The following GHR variants were observed in gnomAD, a reference collection of about 807,000 sequenced individuals.
GHR encodes the protein growth hormone receptor.
Under a neutral mutation model 67.1 loss-of-function variants are expected in GHR, and 35 were observed. The observed-to-expected ratio is 0.52, with a 90% CI of 0.40 to 0.69. The LOEUF is 0.69. Ranked by LOEUF, GHR falls within the 30% of genes least tolerant of loss-of-function variation. The pLI is 0.00. For missense variants in GHR, 792 were observed against 764.6 expected (o/e 1.04, Z -0.42); for synonymous variants, 272 against 269.1 (o/e 1.01, Z -0.10).
intron 1 of GHR, among the ~76,000 whole-genome samples, chr5:42,463,786 G>A (rs1279584873): frequency 2.6e-5 from 4 of 151,642 alleles, no homozygotes; most frequent in African/African-American, 7.3e-5. Flanking sequence ...GAGGTCAGGA[G>A]ATCGAGACCA....
At chr5:42,589,463 G>A (rs985228846) in intron 2 of GHR, among the ~76,000 whole-genome samples, 3 of 152,158 alleles carry the variant, frequency 2.0e-5, no homozygotes, top group African/African-American at 7.2e-5. Flanking sequence ...TTTCTTCTCT[G>A]AGTGGAATAA....
chr5:42,480,999 T>G (rs1043989085), intron 1 of GHR, among the ~76,000 whole-genome samples: 1 of 152,186 alleles, frequency 6.6e-6, no homozygotes, highest in African/African-American at 2.4e-5. Context: ...TCTTTACAAT[T>G]TGGCATGTTT....
intron 1 of GHR, among the ~76,000 whole-genome samples, chr5:42,527,111 T>C (rs113091806): frequency 6.6e-6 from 1 of 152,212 alleles, no homozygotes; most frequent in African/African-American, 2.4e-5. Context: ...ACAGCTACCA[T>C]CTAATACTAA....
chr5:42,676,542 G>C (rs374037134), intron 3 of GHR, among the ~76,000 whole-genome samples: 1 of 151,918 alleles, frequency 6.6e-6, no homozygotes, highest in Non-Finnish European at 1.5e-5. Flanking sequence ...ACTATTTTTG[G>C]AATGGAGTGT....
intron 1 of GHR, among the ~76,000 whole-genome samples, chr5:42,536,981 T>C (rs888194843): frequency 6.6e-6 from 1 of 152,156 alleles, no homozygotes; most frequent in Non-Finnish European, 1.5e-5. Flanking sequence ...AATGATCTTT[T>C]ATATTTCAGT....
At chr5:42,681,935 CAAAAAAAAA>C (rs11443605) in intron 3 of GHR, among the ~76,000 whole-genome samples, 1 of 79,536 alleles carries the variant, frequency 1.3e-5, no homozygotes, top group Non-Finnish European at 2.2e-5. Context: ...GACTCCGTCT[CAAAAAAAAA>C]AAAAAAAAAA....
chr5:42,544,557 A>G (rs997790187), intron 1 of GHR, among the ~76,000 whole-genome samples: 1 of 152,140 alleles, frequency 6.6e-6, no homozygotes, highest in Non-Finnish European at 1.5e-5. Flanking sequence ...ATAACAAACC[A>G]AATTTCCCCC....
At chr5:42,538,480 T>C (rs547915627) in intron 1 of GHR, among the ~76,000 whole-genome samples, 69 of 152,306 alleles carry the variant, frequency 4.5e-4, no homozygotes, top group African/African-American at 1.4e-3. Context: ...AATTGTTTTG[T>C]TTGAGGAGGC....
intron 3 of GHR, among the ~76,000 whole-genome samples, chr5:42,649,270 G>A (rs189787481): frequency 2.6e-5 from 4 of 152,282 alleles, no homozygotes; most frequent in Admixed American, 2.6e-4. Flanking sequence ...AAAATATGCA[G>A]TGTAGTGAGT....
At chr5:42,628,751 G>A (rs1753822904) in intron 2 of GHR, among the ~76,000 whole-genome samples, 1 of 131,774 alleles carries the variant, frequency 7.6e-6, no homozygotes, top group Admixed American at 7.3e-5. Flanking sequence ...ATGGCCTAAG[G>A]TCTTGTTTAT....
chr5:42,709,979 C>A (rs1432257671), intron 6 of GHR, among the ~76,000 whole-genome samples: 1 of 151,636 alleles, frequency 6.6e-6, no homozygotes, highest in Non-Finnish European at 1.5e-5. Context: ...TTAGTGAAAT[C>A]TTTAAAGAAA....
rs150856585 is a variant in GHR at position 42,701,408 on chromosome 5, A to G, written c.618+1406A>G. Among the ~76,000 whole-genome samples, 32 of 152,346 alleles carry G rather than the reference A, an allele frequency of 2.1e-4. 4 individuals are homozygous for G. Among genetic ancestry groups the G allele is most frequent in the African/African-American group, 7.5e-4 (31 of 41,580 alleles). On this transcript the variant is annotated intron_variant, in intron 6 of 9. Coordinates refer to ENST00000230882, the MANE Select transcript of GHR (RefSeq NM_000163.5). ...TCTGTGTGACATATGGGAATTACAC[A>G]TTAAGCATGTCTGCTGCGTACTGAG...
chr5:42,578,003 T>C (rs532423590), intron 2 of GHR, among the ~76,000 whole-genome samples: 4 of 152,336 alleles, frequency 2.6e-5, no homozygotes, highest in African/African-American at 9.6e-5. Flanking sequence ...ACAGAACATA[T>C]GATTACAATA....
chr5:42,499,747 G>A (rs543488854), intron 1 of GHR, among the ~76,000 whole-genome samples: 1 of 152,234 alleles, frequency 6.6e-6, no homozygotes, highest in Admixed American at 6.5e-5. Flanking sequence ...GTTCAATTAT[G>A]GTGCTTAGCT....
chr5:42,627,933 A>G (rs1219032061), intron 2 of GHR, among the ~76,000 whole-genome samples: 1 of 152,188 alleles, frequency 6.6e-6, no homozygotes, highest in African/African-American at 2.4e-5. Context: ...GGATGAGTGC[A>G]AGGTTTTATT....
At chr5:42,454,935 T>C (rs1264882733) in intron 1 of GHR, among the ~76,000 whole-genome samples, 1 of 152,134 alleles carries the variant, frequency 6.6e-6, no homozygotes, top group Non-Finnish European at 1.5e-5. Context: ...ACAAAATTCA[T>C]TTGGAAGCTT....
intron 3 of GHR, chr5:42,646,245 A>G: frequency 2.5e-6 from 1 of 407,678 alleles, no homozygotes; most frequent in Non-Finnish European, 4.9e-6. Context: ...TCATAGGACT[A>G]GAAGTTGACC....
chr5:42,684,341 G>A (rs1561225687), intron 3 of GHR, among the ~76,000 whole-genome samples: 1 of 152,172 alleles, frequency 6.6e-6, no homozygotes, highest in Non-Finnish European at 1.5e-5. Flanking sequence ...TTCTAATCTA[G>A]TGCATTTCCT....
intron 1 of GHR, among the ~76,000 whole-genome samples, chr5:42,536,944 T>C (rs1277164185): frequency 6.6e-6 from 1 of 152,118 alleles, no homozygotes; most frequent in Non-Finnish European, 1.5e-5. Context: ...CTAGTTTACG[T>C]GCACAAAGGT....
Sources: gnomAD v4.1 joint callset for allele counts (sites outside exome capture counted in the v4.1 genomes callset) on GRCh38, gnomAD v4.1.1 for gene constraint, MANE v1.5 for transcripts, NCBI Gene and HGNC (gene_info 2026-07-23, HGNC 2026-07-21) for gene names.